RABGAP1L: variants seen among roughly 807,000 people sequenced by gnomAD.
RABGAP1L encodes rab GTPase-activating protein 1-like.
A neutral mutation model predicts 137.7 loss-of-function variants in RABGAP1L; 63 were observed. The observed-to-expected ratio is 0.46, with a 90% CI of 0.37 to 0.56. RABGAP1L has a LOEUF of 0.56. Ranked by LOEUF, RABGAP1L falls within the 20% of genes least tolerant of loss-of-function variation. RABGAP1L has a pLI of 0.00. For missense variants in RABGAP1L, 1,095 were observed against 1,244.0 expected (o/e 0.88, Z 1.80); for synonymous variants, 431 against 433.7 (o/e 0.99, Z 0.08).
intron 14 of RABGAP1L, among the ~76,000 whole-genome samples, chr1:174,642,017 A>G (rs778932778): frequency 4.6e-5 from 7 of 152,164 alleles, no homozygotes; most frequent in Non-Finnish European, 1.0e-4. Context: ...TTTTAGATAT[A>G]CATCTCTTTA....
At chr1:174,445,762 TGTG>T (rs1261403976) in intron 13 of RABGAP1L, among the ~76,000 whole-genome samples, 1 of 152,224 alleles carries the variant, frequency 6.6e-6, no homozygotes, top group Non-Finnish European at 1.5e-5. Flanking sequence ...CATAGTACCT[TGTG>T]GTAGTTTCTT....
chr1:174,163,804 T>A (rs1259028647), intron 1 of RABGAP1L, among the ~76,000 whole-genome samples: 1 of 152,000 alleles, frequency 6.6e-6, no homozygotes, highest in Non-Finnish European at 1.5e-5. Context: ...TTTCCCAGAA[T>A]ATGAAGCCTA....
chr1:174,279,410 G>A (rs761696167), intron 10 of RABGAP1L, among the ~76,000 whole-genome samples: 1 of 152,054 alleles, frequency 6.6e-6, no homozygotes, highest in Non-Finnish European at 1.5e-5. Flanking sequence ...GGATAAAAAT[G>A]CTCTATTAGA....
chr1:174,375,788 G>C (rs987365457), intron 12 of RABGAP1L, among the ~76,000 whole-genome samples: 10 of 152,236 alleles, frequency 6.6e-5, no homozygotes, highest in South Asian at 2.1e-4. Context: ...AATAAGACTG[G>C]GCACAGTGGC....
chr1:174,917,308 G>A (rs1253410812), intron 19 of RABGAP1L, among the ~76,000 whole-genome samples: 2 of 152,136 alleles, frequency 1.3e-5, no homozygotes, highest in African/African-American at 4.8e-5. Flanking sequence ...AATTACATCA[G>A]TATTACAGAT....
intron 14 of RABGAP1L, among the ~76,000 whole-genome samples, chr1:174,674,082 T>C (rs1442922504): frequency 3.3e-5 from 5 of 151,868 alleles, no homozygotes; most frequent in Non-Finnish European, 5.9e-5. Flanking sequence ...TCTTTTTTTT[T>C]TCTTTTTTTA....
At chr1:174,619,063 A>T (rs1408743510) in intron 13 of RABGAP1L, among the ~76,000 whole-genome samples, 1 of 152,222 alleles carries the variant, frequency 6.6e-6, no homozygotes, top group Non-Finnish European at 1.5e-5. Context: ...AAATGAATGA[A>T]ATGAAGCGAG....
intron 19 of RABGAP1L, chr1:174,892,524 C>G (rs920136344): frequency 2.0e-6 from 1 of 510,252 alleles, no homozygotes; most frequent in East Asian, 5.5e-5. Flanking sequence ...AAAGTTTCTC[C>G]AAGTTTCAAT....
chr1:174,718,595 G>A (rs17842158), intron 17 of RABGAP1L, among the ~76,000 whole-genome samples: 8,509 of 152,118 alleles, frequency 0.056, 842 homozygotes, highest in African/African-American at 0.19. Context: ...TATTTTTGAG[G>A]CCCTTGGCAT....
intron 13 of RABGAP1L, among the ~76,000 whole-genome samples, chr1:174,428,628 T>A (rs533540588): frequency 1.2e-4 from 18 of 152,310 alleles, no homozygotes; most frequent in African/African-American, 3.8e-4. Context: ...AGATATTTTT[T>A]AAAAATTCTA....
chr1:174,737,727 C>T (rs1247536921), intron 17 of RABGAP1L, among the ~76,000 whole-genome samples: 2 of 152,136 alleles, frequency 1.3e-5, no homozygotes, highest in East Asian at 3.8e-4. Flanking sequence ...TTAATTTGGC[C>T]CATGTTTCTG....
chr1:174,205,026 A>G (rs1159200803), intron 1 of RABGAP1L, among the ~76,000 whole-genome samples: 1 of 152,150 alleles, frequency 6.6e-6, no homozygotes, highest in Non-Finnish European at 1.5e-5. Flanking sequence ...AGAATGGACT[A>G]ATAAAGGCCT....
intron 25 of RABGAP1L, 94 bp from the exon 26 acceptor site, chr1:174,989,754 AT>A: frequency 7.3e-7 from 1 of 1,368,048 alleles, no homozygotes; most frequent in Non-Finnish European, 9.8e-7. Context: ...TTGGCAGCAC[AT>A]ACCTTGAGAC....
chr1:174,726,920 T>C (rs61565267), intron 17 of RABGAP1L, among the ~76,000 whole-genome samples: 1 of 152,218 alleles, frequency 6.6e-6, no homozygotes, highest in Non-Finnish European at 1.5e-5. Context: ...AAGATTTTGG[T>C]ACTCATCGTG....
At position 174,637,471 on chromosome 1, in the gene RABGAP1L, C is replaced by T. The variant is rs1362297619; in HGVS notation, c.1807C>T (p.Leu603Phe). Residue 603 changes from leucine to phenylalanine, a missense_variant, in exon 14 of 26, where the codon CTC (leucine) becomes TTC (phenylalanine). Around this residue, in one of 4 missense-constraint regions of RABGAP1L, gnomAD observed 315 missense variants for 324.8 expected, o/e 0.97. Transcript: ENST00000681986. ...KDTGGDGQES[L>F]YKICKAYSVY... ...TACTGGAGGAGATGGTCAAGAATCG[C>T]TCTATAAGATCTGCAAGGTAGGACT... 8 of 1,605,040 alleles carry T rather than the reference C, an allele frequency of 5.0e-6. No individual in the cohort carries two copies. Among genetic ancestry groups the T allele is most frequent in the South Asian group, 1.1e-5 (1 of 90,864 alleles).
At chr1:174,789,320 C>T (rs1313708365) in intron 18 of RABGAP1L, among the ~76,000 whole-genome samples, 1 of 151,984 alleles carries the variant, frequency 6.6e-6, no homozygotes, top group East Asian at 1.9e-4. Flanking sequence ...CCAGGTAGAC[C>T]AATTTAGTTG....
intron 19 of RABGAP1L, among the ~76,000 whole-genome samples, chr1:174,886,980 T>C (rs1457875617): frequency 6.6e-6 from 1 of 152,176 alleles, no homozygotes; most frequent in Non-Finnish European, 1.5e-5. Context: ...CTAATTTTTG[T>C]ATTTTTAGTA....
At chr1:174,241,101 C>T (rs1220371341) in intron 4 of RABGAP1L, among the ~76,000 whole-genome samples, 1 of 152,052 alleles carries the variant, frequency 6.6e-6, no homozygotes. Context: ...CGGGGGGTCA[C>T]CTGTGGTCAG....
At chr1:174,966,405 T>G (rs1669627711) in intron 20 of RABGAP1L, among the ~76,000 whole-genome samples, 1 of 152,250 alleles carries the variant, frequency 6.6e-6, no homozygotes, top group Admixed American at 6.5e-5. Flanking sequence ...ATGTTGAAAT[T>G]GTGCTGGTAT....
Sources: allele counts gnomAD v4.1 joint callset (sites outside exome capture counted in the v4.1 genomes callset), GRCh38; gene constraint gnomAD v4.1.1; regional missense constraint gnomAD v4.1.1; transcripts MANE v1.5; gene names NCBI Gene and HGNC (gene_info 2026-07-23, HGNC 2026-07-21).